The following DLG1 variants were observed in gnomAD, a reference collection of about 807,000 sequenced individuals.
The protein encoded by DLG1 is disks large homolog 1.
A neutral mutation model predicts 123.4 loss-of-function variants in DLG1; 42 were observed. That is an observed-to-expected ratio of 0.34 (90% CI 0.27 to 0.44). The LOEUF is 0.44. Among genes scored for constraint, DLG1 ranks in the 20% least tolerant of loss-of-function variants. The pLI, the probability that DLG1 is intolerant of heterozygous loss-of-function variation, is 1.00. For missense variants in DLG1, 942 were observed against 1,082.6 expected (o/e 0.87, Z 1.82); for synonymous variants, 317 against 356.2 (o/e 0.89, Z 1.24).
chr3:197,277,608 T>C (rs1235791132), intron 4 of DLG1, among the ~76,000 whole-genome samples: 1 of 152,102 alleles, frequency 6.6e-6, no homozygotes, highest in Admixed American at 6.5e-5. Context: ...CCAAAAGTGC[T>C]AGGATTACAG....
intron 4 of DLG1, among the ~76,000 whole-genome samples, chr3:197,270,129 C>T (rs564216185): frequency 6.6e-6 from 1 of 152,086 alleles, no homozygotes; most frequent in African/African-American, 2.4e-5. Context: ...TGGAAACCAT[C>T]GTTATGCGTG....
intron 14 of DLG1, among the ~76,000 whole-genome samples, chr3:197,096,827 T>C (rs561742360): frequency 6.6e-6 from 1 of 152,232 alleles, no homozygotes; most frequent in Non-Finnish European, 1.5e-5. Context: ...ACAGCTTGAC[T>C]GTGGAGACAT....
intron 9 of DLG1, 151 bp downstream of exon 9, chr3:197,138,071 T>C (rs747659477): frequency 2.3e-6 from 1 of 426,794 alleles, no homozygotes; most frequent in Non-Finnish European, 4.0e-6. Context: ...AAGACAAAAA[T>C]CAGTAGAAAT....
chr3:197,158,620 G>T (rs1322299958), intron 5 of DLG1, among the ~76,000 whole-genome samples: 1 of 87,428 alleles, frequency 1.1e-5, no homozygotes, highest in African/African-American at 4.7e-5. Flanking sequence ...GGTAACAAGA[G>T]CAAAACTCCA....
At chr3:197,183,610 T>C in intron 5 of DLG1, 1 of 1,550,524 alleles carries the variant, frequency 6.4e-7, no homozygotes. Context: ...ATGCAGTCAA[T>C]AAAGCTGTGT....
chr3:197,148,492 CTAAAGAACATTATT>C (rs1044012246), intron 6 of DLG1, among the ~76,000 whole-genome samples: 1 of 145,912 alleles, frequency 6.9e-6, no homozygotes, highest in Non-Finnish European at 1.5e-5. Context: ...ACACAGAAAA[CTAAAGAACATTATT>C]GAAAGGAATT....
intron 23 of DLG1, among the ~76,000 whole-genome samples, chr3:197,052,871 G>C (rs879843194): frequency 1.3e-5 from 2 of 152,150 alleles, no homozygotes; most frequent in East Asian, 1.9e-4. Context: ...GCCATGAATA[G>C]ATCTTACTAA....
intron 5 of DLG1, among the ~76,000 whole-genome samples, chr3:197,192,743 G>A (rs924398716): frequency 1.3e-5 from 2 of 152,076 alleles, no homozygotes; most frequent in Non-Finnish European, 2.9e-5. Context: ...TAAGAACAGA[G>A]GGGTAAGGGT....
intron 11 of DLG1, among the ~76,000 whole-genome samples, chr3:197,119,852 C>G (rs913628025): frequency 6.6e-6 from 1 of 152,004 alleles, no homozygotes; most frequent in Non-Finnish European, 1.5e-5. Context: ...CCAATAAGTG[C>G]GAAAAGACTA....
intron 14 of DLG1, among the ~76,000 whole-genome samples, chr3:197,096,431 C>T (rs1388062171): frequency 1.3e-5 from 2 of 152,166 alleles, no homozygotes; most frequent in Non-Finnish European, 2.9e-5. Context: ...ACTCCTGAAA[C>T]CAAGGCATTA....
At chr3:197,127,470 A>T in intron 11 of DLG1, among the ~76,000 whole-genome samples, 1 of 78,258 alleles carries the variant, frequency 1.3e-5, no homozygotes, top group Admixed American at 1.3e-4. Flanking sequence ...ATATATATAT[A>T]TATATATATA....
At chr3:197,141,627 A>G (rs1273459720) in intron 7 of DLG1, among the ~76,000 whole-genome samples, 1 of 152,236 alleles carries the variant, frequency 6.6e-6, no homozygotes, top group Non-Finnish European at 1.5e-5. Context: ...TAGTTACTTA[A>G]GAAATCTGCT....
At chr3:197,235,539 G>A (rs994023608) in intron 4 of DLG1, among the ~76,000 whole-genome samples, 10 of 152,216 alleles carry the variant, frequency 6.6e-5, no homozygotes, top group African/African-American at 2.4e-4. Context: ...GACACTCCTA[G>A]ACAGTCAAGC....
At chr3:197,116,535 A>T (rs567488027) in intron 12 of DLG1, among the ~76,000 whole-genome samples, 1 of 152,312 alleles carries the variant, frequency 6.6e-6, no homozygotes, top group African/African-American at 2.4e-5. Flanking sequence ...TAAACAAGTT[A>T]TTGCAATCCC....
At chr3:197,231,521 C>A (rs1159217089) in intron 4 of DLG1, among the ~76,000 whole-genome samples, 1 of 151,810 alleles carries the variant, frequency 6.6e-6, no homozygotes, top group Non-Finnish European at 1.5e-5. Context: ...GGCAACAGAG[C>A]GAAACCCTGT....
intron 6 of DLG1, among the ~76,000 whole-genome samples, chr3:197,143,821 T>C (rs1393664146): frequency 6.6e-6 from 1 of 152,204 alleles, no homozygotes; most frequent in East Asian, 1.9e-4. Flanking sequence ...AAATTTCACT[T>C]ACATGTTTTA....
chr3:197,272,280 G>C (rs746660892), intron 4 of DLG1, among the ~76,000 whole-genome samples: 18 of 151,652 alleles, frequency 1.2e-4, no homozygotes, highest in Non-Finnish European at 2.5e-4. Flanking sequence ...GAGCCCGTTA[G>C]TTCAAGGGTG....
intron 4 of DLG1, among the ~76,000 whole-genome samples, chr3:197,219,728 G>C (rs147705148): frequency 5.6e-4 from 86 of 152,296 alleles, no homozygotes; most frequent in African/African-American, 2.0e-3. Context: ...CACACTGAGA[G>C]ACACAGCGGG....
intron 4 of DLG1, among the ~76,000 whole-genome samples, chr3:197,238,213 G>A (rs1017826138): frequency 6.6e-5 from 10 of 152,030 alleles, no homozygotes; most frequent in South Asian, 2.1e-4. Context: ...AAGATCTAGC[G>A]TCTCATAATA....
Sources: allele counts gnomAD v4.1 joint callset (sites outside exome capture counted in the v4.1 genomes callset), GRCh38; gene constraint gnomAD v4.1.1; transcripts MANE v1.5; gene names NCBI Gene and HGNC (gene_info 2026-07-23, HGNC 2026-07-21).